Variants in RHBDD1 observed in about 807,000 individuals in gnomAD.
The protein encoded by RHBDD1 is rhomboid domain containing 1.
RHBDD1 carries 38 observed loss-of-function variants against 36.3 expected under a neutral mutation model. The ratio of observed to expected loss-of-function variants is 1.05; its 90% CI spans 0.81 to 1.37. The LOEUF is 1.37. Ranked by LOEUF, RHBDD1 falls within the 40% of genes most tolerant of loss-of-function variation. RHBDD1 has a pLI of 0.00. For missense variants in RHBDD1, 393 were observed against 377.6 expected, an observed-to-expected ratio of 1.04 and a Z score of -0.34; for synonymous variants, 151 against 136.5, an observed-to-expected ratio of 1.11 and a Z score of -0.74.
At chr2:226,903,927 T>C (rs966144839) in intron 5 of RHBDD1, among the ~76,000 whole-genome samples, 1 of 152,080 alleles carries the variant, frequency 6.6e-6, no homozygotes, top group African/African-American at 2.4e-5. Context: ...TACCTGGACA[T>C]GATCGGAGAG....
intron 3 of RHBDD1, among the ~76,000 whole-genome samples, chr2:226,852,981 C>T (rs1341775838): frequency 1.3e-5 from 2 of 149,932 alleles, no homozygotes; most frequent in Non-Finnish European, 3.0e-5. Context: ...GTTTTCCAGG[C>T]TGGTCTTGAA....
chr2:226,899,266 A>G (rs747868843), intron 5 of RHBDD1, among the ~76,000 whole-genome samples: 7 of 152,260 alleles, frequency 4.6e-5, no homozygotes, highest in Non-Finnish European at 8.8e-5. Context: ...TTTAGTTTGC[A>G]TAACTTAGAT....
At chr2:226,899,275 A>G (rs1489274189) in intron 5 of RHBDD1, among the ~76,000 whole-genome samples, 1 of 152,236 alleles carries the variant, frequency 6.6e-6, no homozygotes, top group Non-Finnish European at 1.5e-5. Context: ...CATAACTTAG[A>G]TCCACAATAA....
At chr2:226,865,733 A>G (rs1235933366) in intron 4 of RHBDD1, among the ~76,000 whole-genome samples, 1 of 152,198 alleles carries the variant, frequency 6.6e-6, no homozygotes, top group African/African-American at 2.4e-5. Flanking sequence ...AATCACATGA[A>G]TCACTGGGCA....
the RHBDD1 span, among the ~76,000 whole-genome samples, chr2:226,822,418 T>A: frequency 6.6e-6 from 1 of 152,084 alleles, no homozygotes; most frequent in South Asian, 2.1e-4. Flanking sequence ...GTGGATCACC[T>A]AAGGTCAGGA....
chr2:226,904,419 G>GC lies in RHBDD1; in HGVS notation c.567-2374_567-2373insC, dbSNP rs577202459. On this transcript the variant is annotated intron_variant, in intron 5 of 8. Coordinates refer to ENST00000392062, the MANE Select transcript of RHBDD1 (RefSeq NM_001167608.3). ...ACTGTGGCACATCCTGCAAGCGGGG[G>GC]GGGAGGGGGGTCAGGGAACTCCTGT... 1.8e-4 allele frequency among the ~76,000 whole-genome samples: 27 copies of GC among 148,738 alleles called. 4 individuals carry two copies. In the South Asian group the frequency reaches 4.2e-3, roughly 23 times the overall value.
At chr2:226,890,297 G>T (rs114187076) in intron 5 of RHBDD1, among the ~76,000 whole-genome samples, 1 of 152,196 alleles carries the variant, frequency 6.6e-6, no homozygotes, top group Non-Finnish European at 1.5e-5. Context: ...TACCTGCAAC[G>T]TGTCAGCCAT....
At chr2:226,869,137 T>G in intron 5 of RHBDD1, 1 of 983,486 alleles carries the variant, frequency 1.0e-6, no homozygotes, top group Non-Finnish European at 1.2e-6. Context: ...CATTTCATTT[T>G]TTAGGGTTCC....
At chr2:226,935,646 T>A (rs936939592) in intron 8 of RHBDD1, among the ~76,000 whole-genome samples, 2 of 148,858 alleles carry the variant, frequency 1.3e-5, no homozygotes, top group African/African-American at 2.5e-5. Flanking sequence ...TTTTTTTTTT[T>A]ATAATGAAGG....
At chr2:226,847,012 A>G (rs1045640456) in intron 3 of RHBDD1, among the ~76,000 whole-genome samples, 1 of 152,198 alleles carries the variant, frequency 6.6e-6, no homozygotes, top group African/African-American at 2.4e-5. Context: ...TTAACTGCAC[A>G]TGTGGATAGG....
chr2:226,932,077 T>G (rs893355433), intron 8 of RHBDD1, among the ~76,000 whole-genome samples: 2 of 152,178 alleles, frequency 1.3e-5, no homozygotes, highest in African/African-American at 4.8e-5. Context: ...TATTTTATGT[T>G]TTTTTGTAGG....
intron 8 of RHBDD1, among the ~76,000 whole-genome samples, chr2:226,931,280 T>C (rs572140459): frequency 6.6e-6 from 1 of 152,154 alleles, no homozygotes; most frequent in Non-Finnish European, 1.5e-5. Context: ...ATGTGATATA[T>C]ATACACCATG....
chr2:226,934,414 G>T (rs767400898), intron 8 of RHBDD1, among the ~76,000 whole-genome samples: 19 of 152,082 alleles, frequency 1.2e-4, no homozygotes, highest in Admixed American at 3.3e-4. Flanking sequence ...GTTAAGTGAT[G>T]CATGACTGTC....
At chr2:226,940,177 G>A (rs1373512021) in intron 8 of RHBDD1, among the ~76,000 whole-genome samples, 1 of 152,082 alleles carries the variant, frequency 6.6e-6, no homozygotes, top group Non-Finnish European at 1.5e-5. Context: ...GGAAAACCTA[G>A]GCAATTGTTG....
chr2:226,908,772 AT>A, intron 6 of RHBDD1, 49 bp from the exon 7 acceptor site: 1 of 1,232,742 alleles, frequency 8.1e-7, no homozygotes, highest in Non-Finnish European at 1.2e-6. Context: ...AACAATTAGC[AT>A]TTAAAGCTTT....
intron 8 of RHBDD1, among the ~76,000 whole-genome samples, chr2:226,943,474 A>G (rs1286766791): frequency 1.3e-5 from 2 of 152,164 alleles, no homozygotes; most frequent in Admixed American, 6.5e-5. Flanking sequence ...TTTCAACTCA[A>G]TGAGTCTAAA....
chr2:226,888,193 C>G (rs1028927962), intron 5 of RHBDD1, among the ~76,000 whole-genome samples: 1 of 152,238 alleles, frequency 6.6e-6, no homozygotes, highest in Non-Finnish European at 1.5e-5. Flanking sequence ...ATTTAAACTT[C>G]CCTCCCTAAT....
At chr2:226,828,166 G>C in the RHBDD1 span, among the ~76,000 whole-genome samples, 1 of 152,110 alleles carries the variant, frequency 6.6e-6, no homozygotes, top group African/African-American at 2.4e-5. Context: ...TCTGTTTTCT[G>C]TTTCTGTAGA....
At position 226,987,103 on chromosome 2, in the gene RHBDD1, C is replaced by T. The variant is rs559589022; in HGVS notation, c.857-8328C>T. Among the ~76,000 whole-genome samples the T allele has an allele frequency of 3.4e-4, 51 of 152,160 alleles. 1 individual carries two copies. The highest frequency in any genetic ancestry group is 4.9e-4 in the Non-Finnish European group (33 of 68,030). On this transcript the variant is annotated intron_variant, in intron 8 of 8. Coordinates refer to ENST00000392062, the MANE Select transcript of RHBDD1 (RefSeq NM_001167608.3). The stretch of plus-strand genomic sequence containing the variant: ...CAGAAAACCAAACACCGCATGTTCT[C>T]GCTCATAAGTGGGAGTTGAACAATG...
Sources: gnomAD v4.1 joint callset for allele counts (sites outside exome capture counted in the v4.1 genomes callset) on GRCh38, gnomAD v4.1.1 for gene constraint, MANE v1.5 for transcripts, NCBI Gene and HGNC (gene_info 2026-07-23, HGNC 2026-07-21) for gene names.